The following RNF220 variants were observed in gnomAD, a reference collection of about 807,000 sequenced individuals.
RNF220 encodes the protein ring finger protein 220, also known as E3 ubiquitin-protein ligase RNF220.
A neutral mutation model predicts 67.1 loss-of-function variants in RNF220; 7 were observed. The observed-to-expected ratio is 0.10, with a 90% CI of 0.06 to 0.20. RNF220 has a LOEUF of 0.20. Among genes scored for constraint, RNF220 ranks in the 10% least tolerant of loss-of-function variants. The probability of loss-of-function intolerance (pLI) is 1.00; values close to 1 mark genes in which losing one functional copy is unlikely to be tolerated. For synonymous variants in RNF220, 270 were observed against 283.2 expected (o/e 0.95, Z 0.47); for missense variants, 565 against 740.3 (o/e 0.76, Z 2.75).
chr1:44,616,998 G>A (rs1643581729), intron 3 of RNF220, among the ~76,000 whole-genome samples: 1 of 151,940 alleles, frequency 6.6e-6, no homozygotes, highest in Non-Finnish European at 1.5e-5. Context: ...GCATCCCCGT[G>A]TCCATTTCCC....
intron 8 of RNF220, among the ~76,000 whole-genome samples, chr1:44,636,686 G>A (rs552734995): frequency 6.6e-6 from 1 of 152,328 alleles, no homozygotes; most frequent in East Asian, 1.9e-4. Flanking sequence ...AGCTTCATTG[G>A]TGAATCTAAT....
chr1:44,491,703 G>A lies in RNF220; in HGVS notation c.625+78981G>A, dbSNP rs557603025. On this transcript the variant is annotated intron_variant, in intron 2 of 14. Transcript: ENST00000361799. ...TTTTGAGACAAGGTCTCACTCTGTC[G>A]TCCAGGCTGGAGTGCAGTGGCATGA... Among the ~76,000 whole-genome samples the A allele has an allele frequency of 3.0e-4, 45 of 150,966 alleles. No individual in the cohort carries two copies. In the Middle Eastern group the frequency reaches 0.014, roughly 46 times the overall value.
At chr1:44,573,200 G>C (rs528360802) in intron 2 of RNF220, among the ~76,000 whole-genome samples, 258 of 152,284 alleles carry the variant, frequency 1.7e-3, no homozygotes, top group African/African-American at 6.0e-3. Context: ...TGCTTCACAT[G>C]CATTATCTCA....
intron 2 of RNF220, among the ~76,000 whole-genome samples, chr1:44,494,313 A>G (rs527525367): frequency 2.8e-4 from 43 of 152,276 alleles, no homozygotes; most frequent in African/African-American, 9.6e-4. Flanking sequence ...GGGGCTAGAC[A>G]ATCTATTAGA....
intron 2 of RNF220, among the ~76,000 whole-genome samples, chr1:44,491,916 G>A (rs548400878): frequency 1.3e-5 from 2 of 152,176 alleles, no homozygotes; most frequent in Non-Finnish European, 2.9e-5. Context: ...CACCCGCTTC[G>A]GCCTCCCAAA....
chr1:44,472,624 A>C (rs1351763601), intron 2 of RNF220, among the ~76,000 whole-genome samples: 1 of 152,174 alleles, frequency 6.6e-6, no homozygotes, highest in African/African-American at 2.4e-5. Flanking sequence ...CTACAGGATA[A>C]AATAAACATT....
intron 2 of RNF220, among the ~76,000 whole-genome samples, chr1:44,581,760 C>G (rs77001909): frequency 0.029 from 4,345 of 152,170 alleles, 90 homozygotes; most frequent in Non-Finnish European, 0.039. Context: ...CTGACTGGAA[C>G]CTGGGATCTG....
intron 2 of RNF220, among the ~76,000 whole-genome samples, chr1:44,591,078 C>CA (rs1666083672): frequency 6.6e-6 from 1 of 152,218 alleles, no homozygotes; most frequent in Admixed American, 6.5e-5. Context: ...TCTCCTGCCT[C>CA]AGCCTCCCGA....
intron 2 of RNF220, among the ~76,000 whole-genome samples, chr1:44,541,470 G>A (rs1278870135): frequency 6.6e-6 from 1 of 152,200 alleles, no homozygotes; most frequent in Non-Finnish European, 1.5e-5. Flanking sequence ...GCTAGTAACT[G>A]ACAGAACTGG....
chr1:44,490,929 A>G (rs2148052164), intron 2 of RNF220, among the ~76,000 whole-genome samples: 1 of 152,290 alleles, frequency 6.6e-6, no homozygotes, highest in South Asian at 2.1e-4. Flanking sequence ...AGAAATAAAA[A>G]AAGCATTATA....
At chr1:44,519,340 A>G (rs1040592504) in intron 2 of RNF220, among the ~76,000 whole-genome samples, 1 of 152,256 alleles carries the variant, frequency 6.6e-6, no homozygotes, top group South Asian at 2.1e-4. Context: ...GACAAAGTCA[A>G]GAAAGGGAAA....
At chr1:44,446,091 T>C (rs1414040862) in intron 2 of RNF220, among the ~76,000 whole-genome samples, 1 of 152,228 alleles carries the variant, frequency 6.6e-6, no homozygotes, top group East Asian at 1.9e-4. Flanking sequence ...GAAAAACTTC[T>C]GAAAATCACA....
In RNF220 at chr1:44,496,815, A is replaced by C. The variant is rs907764431; in HGVS notation, c.625+84093A>C. Reference sequence around the variant, plus strand: ...AAGTTGCTAAAATTAAAACTTAATCAAGCCAGCTCACTTGGGGATGTGGAA... The same window carrying C: ...AAGTTGCTAAAATTAAAACTTAATCCAGCCAGCTCACTTGGGGATGTGGAA... On this transcript the variant is annotated intron_variant, in intron 2 of 14. Transcript: ENST00000361799. Among the ~76,000 whole-genome samples the C allele has an allele frequency of 3.9e-5, 6 of 152,182 alleles. No homozygotes were observed. In the South Asian group the frequency reaches 1.2e-3, roughly 32 times the overall value.
Position 44,412,796 on chromosome 1 carries a change from G to A in RNF220, c.625+74G>A, listed in dbSNP as rs1250740526. On this transcript the variant is annotated intron_variant, in intron 2 of 14. Transcript: ENST00000361799. The surrounding 1 kb of genome is among the most constrained non-coding windows in gnomAD (Gnocchi z 5.3). ...CACCGTGATGTTCAACAGGTCGGTG[G>A]CGTTTTGCATGCTCCTAGTAATAGG... 4 of 1,522,470 alleles carry A rather than the reference G, an allele frequency of 2.6e-6. No homozygotes were observed. The highest frequency in any genetic ancestry group is 2.7e-6 in the Non-Finnish European group (3 of 1,125,770). 94.3% of individuals were successfully genotyped at this position (1,522,470 alleles called of 1,614,324 possible).
At chr1:44,631,534 C>T (rs1275613146) in intron 5 of RNF220, among the ~76,000 whole-genome samples, 1 of 152,228 alleles carries the variant, frequency 6.6e-6, no homozygotes, top group African/African-American at 2.4e-5. Context: ...CCTATGGGAG[C>T]TCCAGGGGCC....
chr1:44,418,438 G>C lies in RNF220; in HGVS notation c.625+5716G>C, dbSNP rs552571159. Among the ~76,000 whole-genome samples the C allele has an allele frequency of 3.3e-5, 5 of 152,244 alleles. No homozygotes were observed. The East Asian group carries it at 9.6e-4, about 29-fold the overall frequency. ...TAAAAATGTTCCGGGGAATGTTTCC[G>C]AAGTCCAGGGCTCCGTCCTTCGGCG... On this transcript the variant is annotated intron_variant, in intron 2 of 14. Coordinates refer to ENST00000361799, the MANE Select transcript of RNF220 (RefSeq NM_018150.4).
chr1:44,534,745 A>AAG (rs1661074597), intron 2 of RNF220, among the ~76,000 whole-genome samples: 1 of 152,302 alleles, frequency 6.6e-6, no homozygotes, highest in Middle Eastern at 3.4e-3. Flanking sequence ...TATGGAAGAG[A>AAG]AAGGTGATCC....
intron 2 of RNF220, among the ~76,000 whole-genome samples, chr1:44,498,180 C>T (rs989203244): frequency 6.6e-6 from 1 of 151,654 alleles, no homozygotes; most frequent in Non-Finnish European, 1.5e-5. Flanking sequence ...ATTCATCCTT[C>T]CAATCTACAC....
chr1:44,605,636 G>A (rs999061148), intron 2 of RNF220, among the ~76,000 whole-genome samples: 4 of 152,166 alleles, frequency 2.6e-5, no homozygotes, highest in African/African-American at 9.7e-5. Flanking sequence ...ACTGTGACAA[G>A]GGCTGTGATA....
Sources: allele counts gnomAD v4.1 joint callset (sites outside exome capture counted in the v4.1 genomes callset), GRCh38; gene constraint gnomAD v4.1.1; non-coding constraint Gnocchi (gnomAD v3.1); transcripts MANE v1.5; gene names NCBI Gene and HGNC (gene_info 2026-07-23, HGNC 2026-07-21).